Variants in ADAMTS6 observed in about 807,000 individuals in gnomAD.
ADAMTS6 encodes the protein ADAM metallopeptidase with thrombospondin type 1 motif 6.
In ADAMTS6, 23 loss-of-function variants were observed where a neutral mutation model predicts 144.3. The observed-to-expected ratio is 0.16, with a 90% CI of 0.11 to 0.23. The LOEUF is 0.23. ADAMTS6 is among the 10% of genes least tolerant of loss of function. The pLI is 1.00. For missense variants in ADAMTS6, 999 were observed against 1,379.6 expected, an observed-to-expected ratio of 0.72 and a Z score of 4.37; for synonymous variants, 444 against 457.5, an observed-to-expected ratio of 0.97 and a Z score of 0.38.
At chr5:65,231,285 C>G (rs894952288) in intron 15 of ADAMTS6, among the ~76,000 whole-genome samples, 1 of 151,310 alleles carries the variant, frequency 6.6e-6, no homozygotes, top group Non-Finnish European at 1.5e-5. Flanking sequence ...TAATAAGAGA[C>G]AAAGAAAGTC....
intron 20 of ADAMTS6, among the ~76,000 whole-genome samples, chr5:65,198,325 C>A (rs1377679687): frequency 6.7e-6 from 1 of 149,340 alleles, no homozygotes; most frequent in Non-Finnish European, 1.5e-5. Context: ...AGTTGTTTTT[C>A]TTTTTTTTTT....
chr5:65,322,387 T>G (rs1745701437), intron 9 of ADAMTS6, among the ~76,000 whole-genome samples: 1 of 152,170 alleles, frequency 6.6e-6, no homozygotes, highest in Non-Finnish European at 1.5e-5. Flanking sequence ...ATTTTAAAAC[T>G]GTTTTTTCTA....
At chr5:65,423,355 A>G (rs551615926) in intron 7 of ADAMTS6, among the ~76,000 whole-genome samples, 60 of 152,310 alleles carry the variant, frequency 3.9e-4, no homozygotes, top group African/African-American at 1.4e-3. Flanking sequence ...AAATTCCTCT[A>G]AGTAAGTATC....
At chr5:65,463,271 A>G (rs1258859049) in intron 3 of ADAMTS6, among the ~76,000 whole-genome samples, 1 of 152,134 alleles carries the variant, frequency 6.6e-6, no homozygotes, top group African/African-American at 2.4e-5. Context: ...GAAAAAAATG[A>G]GGGAGCAAGC....
rs576739467 is a variant in ADAMTS6, at chr5:65,204,515, G to C, written c.2576-7364C>G. On this transcript the variant is annotated intron_variant, in intron 20 of 24. Coordinates refer to ENST00000381055, the MANE Select transcript of ADAMTS6 (RefSeq NM_197941.4). ...TGATGCTGGGTACAGCTAATCCCAG[G>C]TTAAAGGACACTCTTCCTTCACAAC... is the stretch of plus-strand genomic sequence containing the variant. 7.2e-5 allele frequency among the ~76,000 whole-genome samples: 11 copies of C among 152,288 alleles called. No individual in the cohort carries two copies. In the East Asian group the frequency reaches 2.1e-3, roughly 29 times the overall value.
chr5:65,197,585 T>A (rs1283369885), intron 20 of ADAMTS6, among the ~76,000 whole-genome samples: 1 of 152,242 alleles, frequency 6.6e-6, no homozygotes, highest in Non-Finnish European at 1.5e-5. Context: ...TTTTTGATAT[T>A]TTGTAGAACA....
At chr5:65,192,053 C>G (rs1010686714) in intron 21 of ADAMTS6, among the ~76,000 whole-genome samples, 5 of 152,000 alleles carry the variant, frequency 3.3e-5, no homozygotes, top group Admixed American at 3.3e-4. Context: ...ATAGATGACT[C>G]TAATGAATTT....
chr5:65,398,844 GAAAGAAAA>G (rs1561502016), intron 7 of ADAMTS6, among the ~76,000 whole-genome samples: 14 of 133,208 alleles, frequency 1.1e-4, no homozygotes, highest in East Asian at 7.4e-4. Flanking sequence ...AAGAAAGAAA[GAAAGAAAA>G]AGAAAGAGAA....
intron 9 of ADAMTS6, among the ~76,000 whole-genome samples, chr5:65,309,025 T>A (rs1744217620): frequency 6.6e-6 from 1 of 151,610 alleles, no homozygotes. Flanking sequence ...GGTGGACACA[T>A]GGATGTGTGA....
intron 24 of ADAMTS6, among the ~76,000 whole-genome samples, chr5:65,155,344 A>G (rs1752348483): frequency 1.3e-5 from 2 of 152,284 alleles, no homozygotes; most frequent in South Asian, 2.1e-4. Flanking sequence ...AACATCTTAG[A>G]GTGTACTTTC....
chr5:65,281,923 T>C (rs144911664), intron 11 of ADAMTS6, among the ~76,000 whole-genome samples: 451 of 152,246 alleles, frequency 3.0e-3, no homozygotes, highest in Non-Finnish European at 4.7e-3. Flanking sequence ...AGAAACTATA[T>C]ACGTTAAACC....
intron 9 of ADAMTS6, among the ~76,000 whole-genome samples, chr5:65,312,702 G>A (rs1319034011): frequency 6.6e-6 from 1 of 151,868 alleles, no homozygotes. Flanking sequence ...CTGAGTTGAA[G>A]GTTAAGTTTC....
chr5:65,313,862 A>C (rs181755538), intron 9 of ADAMTS6, among the ~76,000 whole-genome samples: 2 of 152,240 alleles, frequency 1.3e-5, no homozygotes, highest in Admixed American at 1.3e-4. Flanking sequence ...TTTACAACGC[A>C]AACATGCATC....
Position 65,163,444 on chromosome 5 carries a change from A to G in ADAMTS6, c.3244+7173T>C, listed in dbSNP as rs77333690. Among the ~76,000 whole-genome samples the G allele has an allele frequency of 1.3e-4, 20 of 152,318 alleles. No homozygotes were observed. In the East Asian group the frequency reaches 3.9e-3, roughly 29 times the overall value. On this transcript the variant is annotated intron_variant, in intron 24 of 24. Transcript: ENST00000381055. ...TTTGAAAGAGTAAATTATGTGTATA[A>G]TAAGTGCATTGTGTTGAGGCTTAAG...
chr5:65,332,308 TATATAGAGAG>T (rs1242639343), intron 8 of ADAMTS6, among the ~76,000 whole-genome samples: 19 of 109,442 alleles, frequency 1.7e-4, no homozygotes, highest in Admixed American at 9.3e-5. Context: ...TATATATATA[TATATAGAGAG>T]AGAGAGAGAG....
At chr5:65,383,614 A>G (rs1468934626) in intron 7 of ADAMTS6, among the ~76,000 whole-genome samples, 1 of 152,124 alleles carries the variant, frequency 6.6e-6, no homozygotes, top group Non-Finnish European at 1.5e-5. Context: ...CCCACACTGC[A>G]GCTCTCACCA....
intron 7 of ADAMTS6, among the ~76,000 whole-genome samples, chr5:65,417,923 G>T (rs1326014451): frequency 2.0e-5 from 3 of 151,978 alleles, no homozygotes; most frequent in Non-Finnish European, 2.9e-5. Flanking sequence ...CCAAAGCAAT[G>T]CTAAGCAAAA....
chr5:65,275,213 CAAAAAAAAAAAAAAA>C (rs70983666), intron 11 of ADAMTS6, among the ~76,000 whole-genome samples: 5 of 63,814 alleles, frequency 7.8e-5, no homozygotes, highest in Non-Finnish European at 1.1e-4. Flanking sequence ...GGCTCTGTGT[CAAAAAAAAAAAAAAA>C]AAAAAAAAAA....
At chr5:65,264,183 C>T (rs145911733) in intron 12 of ADAMTS6, among the ~76,000 whole-genome samples, 392 of 152,256 alleles carry the variant, frequency 2.6e-3, no homozygotes, top group African/African-American at 8.7e-3. Flanking sequence ...CTTTTAAAAA[C>T]ATGCTATCAC....
Sources: gnomAD v4.1 joint callset for allele counts (sites outside exome capture counted in the v4.1 genomes callset) on GRCh38, gnomAD v4.1.1 for gene constraint, MANE v1.5 for transcripts, NCBI Gene and HGNC (gene_info 2026-07-23, HGNC 2026-07-21) for gene names.